The following GLT1D1 variants were observed in gnomAD, a reference collection of about 807,000 sequenced individuals.
GLT1D1 encodes glycosyltransferase 1 domain containing 1.
Under a neutral mutation model 28.7 loss-of-function variants are expected in GLT1D1, and 21 were observed. That is an observed-to-expected ratio of 0.73 (90% CI 0.52 to 1.05). The LOEUF (loss-of-function observed/expected upper bound fraction) is 1.05, where lower values mean the gene tolerates loss of function less well. Among genes scored for constraint, GLT1D1 ranks in the 50% least tolerant of loss-of-function variants. GLT1D1 has a pLI of 0.00. For missense variants in GLT1D1, 343 were observed against 330.6 expected, an observed-to-expected ratio of 1.04 and a Z score of -0.29; for synonymous variants, 147 against 124.8, an observed-to-expected ratio of 1.18 and a Z score of -1.19.
chr12:128,971,474 C>CTA (rs1879068042), intron 7 of GLT1D1, among the ~76,000 whole-genome samples: 2 of 57,076 alleles, frequency 3.5e-5, no homozygotes, highest in Non-Finnish European at 7.7e-5. Flanking sequence ...CCCTCTGCCT[C>CTA]CCTCCCTCCC....
At chr12:128,856,177 T>G (rs1174117372) in intron 1 of GLT1D1, among the ~76,000 whole-genome samples, 1 of 152,206 alleles carries the variant, frequency 6.6e-6, no homozygotes, top group African/African-American at 2.4e-5. Context: ...CAAACTGTCA[T>G]GGTGCCGATG....
chr12:128,935,941 G>C (rs1171723206), intron 4 of GLT1D1, among the ~76,000 whole-genome samples: 1 of 152,154 alleles, frequency 6.6e-6, no homozygotes, highest in Non-Finnish European at 1.5e-5. Flanking sequence ...TAGTAGAGTG[G>C]TCACACGCAT....
chr12:128,861,695 T>G (rs1311687895), intron 1 of GLT1D1, among the ~76,000 whole-genome samples: 2 of 152,056 alleles, frequency 1.3e-5, no homozygotes, highest in Non-Finnish European at 2.9e-5. Flanking sequence ...TGGGAAGCAT[T>G]TTAGATAATG....
At chr12:128,965,083 G>C (rs1457616262) in intron 7 of GLT1D1, among the ~76,000 whole-genome samples, 1 of 152,234 alleles carries the variant, frequency 6.6e-6, no homozygotes, top group Non-Finnish European at 1.5e-5. Context: ...TGTTATGGTA[G>C]GCTACGTGGC....
intron 2 of GLT1D1, among the ~76,000 whole-genome samples, chr12:128,886,949 G>A (rs1366899164): frequency 1.3e-5 from 2 of 151,858 alleles, no homozygotes; most frequent in African/African-American, 4.8e-5. Context: ...TTACAGGTCT[G>A]TAGTAAGAAA....
chr12:128,982,047 A>G (rs1157790296), intron 7 of GLT1D1, among the ~76,000 whole-genome samples: 1 of 152,122 alleles, frequency 6.6e-6, no homozygotes, highest in Admixed American at 6.6e-5. Context: ...CCAATCCTGA[A>G]GGGCTTTGAT....
intron 4 of GLT1D1, among the ~76,000 whole-genome samples, chr12:128,943,923 C>T (rs1875687637): frequency 6.6e-6 from 1 of 152,104 alleles, no homozygotes; most frequent in South Asian, 2.1e-4. Context: ...TTTAACTTTT[C>T]CGGGAAAATA....
intron 4 of GLT1D1, among the ~76,000 whole-genome samples, chr12:128,917,492 G>A (rs1315535508): frequency 6.6e-6 from 1 of 152,016 alleles, no homozygotes; most frequent in Non-Finnish European, 1.5e-5. Flanking sequence ...TGGCCAGGCT[G>A]GTCTTCAACT....
rs199567989 is a variant in GLT1D1, at chr12:128,942,739, G to GTTTTTTTTTTTTTTTTTTTTTT, written c.376-2584_376-2583insTTTTTTTTTTTTTTTTTTTTTT. On this transcript the variant is annotated intron_variant, in intron 4 of 7. Transcript: ENST00000281703. ...CTTTAGATTCCAATTTTCTTTGTTT[G>GTTTTTTTTTTTTTTTTTTTTTT]TTTGTTTTTGTTTTTTGTTTTTTTT... is the stretch of plus-strand genomic sequence containing the variant. Among the ~76,000 whole-genome samples the GTTTTTTTTTTTTTTTTTTTTTT allele has an allele frequency of 2.9e-5, 3 of 102,482 alleles. 1 individual carries two copies. Among genetic ancestry groups the GTTTTTTTTTTTTTTTTTTTTTT allele is most frequent in the South Asian group, 3.4e-4 (1 of 2,930 alleles). The allele number at this position is 102,482 out of a possible 152,430, so 67.2% of individuals were successfully genotyped here.
chr12:128,884,745 C>T (rs531032693), intron 2 of GLT1D1, among the ~76,000 whole-genome samples: 4 of 152,034 alleles, frequency 2.6e-5, no homozygotes, highest in South Asian at 4.1e-4. Context: ...ACCTGGGATG[C>T]GGAGGCTGGA....
chr12:128,904,442 G>GA (rs1378064050), intron 4 of GLT1D1, among the ~76,000 whole-genome samples: 1 of 151,514 alleles, frequency 6.6e-6, no homozygotes, highest in Non-Finnish European at 1.5e-5. Context: ...TTTGGAGGGG[G>GA]AAAAAGAGAG....
intron 7 of GLT1D1, among the ~76,000 whole-genome samples, chr12:128,982,190 C>T (rs114776521): frequency 0.011 from 1,676 of 152,206 alleles, 34 homozygotes; most frequent in African/African-American, 0.039. Flanking sequence ...AAGCAAAGAG[C>T]TGATAAACCC....
chr12:128,944,972 G>A, intron 4 of GLT1D1: 4 of 559,796 alleles, frequency 7.1e-6, no homozygotes, highest in East Asian at 5.9e-5. Context: ...ACAGGCCCCG[G>A]TGTGTGATGT....
At chr12:128,975,150 C>T (rs1013691826) in intron 7 of GLT1D1, among the ~76,000 whole-genome samples, 4 of 152,198 alleles carry the variant, frequency 2.6e-5, no homozygotes, top group South Asian at 2.1e-4. Flanking sequence ...CAGGCATTGT[C>T]CCGGCAAAGG....
chr12:128,935,570 A>T lies in GLT1D1; in HGVS notation c.376-9756A>T, dbSNP rs1874468453. Among the ~76,000 whole-genome samples the T allele has an allele frequency of 4.6e-5, 7 of 151,058 alleles. No homozygotes were observed. In the South Asian group the frequency reaches 1.5e-3, roughly 31 times the overall value. ...AAAAAAAAAAAGAACAATAGAGTAG[A>T]GATGTTCTTAGATTGCCTAAAATGT... On this transcript the variant is annotated intron_variant, in intron 4 of 7. Transcript: ENST00000281703.
chr12:128,973,876 TGTGTGTGTGTAGGGG>T (rs138817072), intron 7 of GLT1D1, among the ~76,000 whole-genome samples: 6,209 of 144,048 alleles, frequency 0.043, 291 homozygotes, highest in Non-Finnish European at 0.055. Context: ...AGGTTTCCCG[TGTGTGTGTGTAGGGG>T]GTGTGTGTGT....
intron 6 of GLT1D1, among the ~76,000 whole-genome samples, chr12:128,950,839 T>G (rs1656281027): frequency 1.3e-5 from 2 of 152,166 alleles, no homozygotes; most frequent in Admixed American, 1.3e-4. Context: ...TCAAGTGAGT[T>G]CTCATAGGAG....
chr12:128,975,515 A>T (rs773267434), intron 7 of GLT1D1, among the ~76,000 whole-genome samples: 2 of 151,978 alleles, frequency 1.3e-5, no homozygotes, highest in African/African-American at 4.8e-5. Flanking sequence ...CAGTGGCGCT[A>T]TCTCAGCTCA....
intron 4 of GLT1D1, among the ~76,000 whole-genome samples, chr12:128,924,346 G>A (rs1324291967): frequency 6.6e-6 from 1 of 150,978 alleles, no homozygotes; most frequent in Non-Finnish European, 1.5e-5. Flanking sequence ...AGAATTGCTT[G>A]AACCGGGGAG....
Sources: gnomAD v4.1 joint callset for allele counts (sites outside exome capture counted in the v4.1 genomes callset) on GRCh38, gnomAD v4.1.1 for gene constraint, MANE v1.5 for transcripts, NCBI Gene and HGNC (gene_info 2026-07-23, HGNC 2026-07-21) for gene names.